JAZF1: variants seen among roughly 807,000 people sequenced by gnomAD.
JAZF1 encodes the protein juxtaposed with another zinc finger protein 1.
In JAZF1, 8 loss-of-function variants were observed where a neutral mutation model predicts 26.4. The observed-to-expected ratio is 0.30, with a 90% CI of 0.18 to 0.55. The LOEUF is 0.55. JAZF1 is among the 20% of genes least tolerant of loss of function. The pLI is 0.94. For synonymous variants in JAZF1, 126 were observed against 122.3 expected, an observed-to-expected ratio of 1.03 and a Z score of -0.20; for missense variants, 199 against 322.0, an observed-to-expected ratio of 0.62 and a Z score of 2.92.
At chr7:27,961,299 A>T (rs1296149730) in intron 2 of JAZF1, among the ~76,000 whole-genome samples, 2 of 152,234 alleles carry the variant, frequency 1.3e-5, no homozygotes, top group Non-Finnish European at 2.9e-5. Context: ...CTACCTCCAG[A>T]GTCTGTGTTC....
intron 1 of JAZF1, among the ~76,000 whole-genome samples, chr7:28,161,901 G>A (rs550528330): frequency 3.3e-5 from 5 of 152,154 alleles, no homozygotes; most frequent in Admixed American, 6.5e-5. Flanking sequence ...CAGTGTCTTC[G>A]CCTACAAAAT....
At chr7:27,913,630 C>T (rs1438197473) in intron 2 of JAZF1, among the ~76,000 whole-genome samples, 5 of 152,170 alleles carry the variant, frequency 3.3e-5, no homozygotes, top group Non-Finnish European at 7.3e-5. Flanking sequence ...TATTCCTTGA[C>T]TGATTAACAT....
chr7:27,882,946 C>G (rs190263762), intron 3 of JAZF1, among the ~76,000 whole-genome samples: 1 of 152,106 alleles, frequency 6.6e-6, no homozygotes, highest in Non-Finnish European at 1.5e-5. Context: ...ATGGCAGTCT[C>G]GGGCGTCTGT....
At chr7:27,834,480 T>A (rs1782768067) in intron 4 of JAZF1, among the ~76,000 whole-genome samples, 1 of 152,234 alleles carries the variant, frequency 6.6e-6, no homozygotes, top group Non-Finnish European at 1.5e-5. Context: ...CACTCTCCCC[T>A]GAACACCTGG....
At chr7:28,015,043 G>A (rs1012147053) in intron 1 of JAZF1, among the ~76,000 whole-genome samples, 2 of 151,464 alleles carry the variant, frequency 1.3e-5, no homozygotes, top group African/African-American at 2.4e-5. Flanking sequence ...ATGTGTGTGT[G>A]TGTGTGTGTG....
intron 2 of JAZF1, among the ~76,000 whole-genome samples, chr7:27,922,952 T>G (rs1784556178): frequency 6.6e-6 from 1 of 152,246 alleles, no homozygotes; most frequent in African/African-American, 2.4e-5. Flanking sequence ...AGATATTGCA[T>G]ATGTTAAAAT....
intron 1 of JAZF1, among the ~76,000 whole-genome samples, chr7:28,134,297 T>G (rs1267508181): frequency 2.6e-5 from 4 of 152,134 alleles, no homozygotes; most frequent in Non-Finnish European, 5.9e-5. Context: ...CATATATTTG[T>G]TTCTTTGATG....
At chr7:27,930,486 C>G (rs1414861638) in intron 2 of JAZF1, among the ~76,000 whole-genome samples, 2 of 152,194 alleles carry the variant, frequency 1.3e-5, no homozygotes, top group Non-Finnish European at 2.9e-5. Context: ...TTGTCCTTTT[C>G]TCCCAAGAAG....
intron 1 of JAZF1, among the ~76,000 whole-genome samples, chr7:28,027,837 G>C (rs1783119358): frequency 6.6e-6 from 1 of 152,172 alleles, no homozygotes; most frequent in African/African-American, 2.4e-5. Flanking sequence ...TGGAAGGCTG[G>C]GATTCAGCCC....
At chr7:27,952,351 G>C (rs573885804) in intron 2 of JAZF1, among the ~76,000 whole-genome samples, 4 of 152,360 alleles carry the variant, frequency 2.6e-5, no homozygotes, top group African/African-American at 9.6e-5. Context: ...ATGGGGAGTA[G>C]GGGACCGATC....
At chr7:28,048,305 T>C (rs1273645843) in intron 1 of JAZF1, among the ~76,000 whole-genome samples, 2 of 152,192 alleles carry the variant, frequency 1.3e-5, no homozygotes, top group African/African-American at 2.4e-5. Flanking sequence ...TTCAAAGAGA[T>C]TAGTTTTATT....
chr7:27,872,819 A>AT (rs143606378), intron 3 of JAZF1, among the ~76,000 whole-genome samples: 3,658 of 150,216 alleles, frequency 0.024, 121 homozygotes, highest in African/African-American at 0.084. Flanking sequence ...CTTGGGTTCG[A>AT]TTTTTTTTTT....
chr7:27,999,600 C>G (rs1786091374), intron 1 of JAZF1, among the ~76,000 whole-genome samples: 1 of 152,202 alleles, frequency 6.6e-6, no homozygotes, highest in African/African-American at 2.4e-5. Flanking sequence ...ATAGTACTTT[C>G]AGCATGCATT....
At chr7:27,862,082 A>G (rs1476378485) in intron 3 of JAZF1, among the ~76,000 whole-genome samples, 1 of 152,238 alleles carries the variant, frequency 6.6e-6, no homozygotes, top group East Asian at 1.9e-4. Context: ...AGAGGGGGAA[A>G]GGAAGGGACA....
At chr7:28,167,873 T>C (rs1285225902) in intron 1 of JAZF1, among the ~76,000 whole-genome samples, 1 of 152,248 alleles carries the variant, frequency 6.6e-6, no homozygotes, top group African/African-American at 2.4e-5. Flanking sequence ...AAAACCACTA[T>C]AAGCTACTAT....
Position 27,831,979 on chromosome 7 carries a change from GA to G in JAZF1, c.*820del. ...AAAGTCTTTTCTAACAGATTTCAGG[GA>G]AAAAAGTATTTCACTAAATGGGTAT... On this transcript the variant is annotated 3_prime_UTR_variant, in exon 5 of 5. Coordinates refer to ENST00000283928, the MANE Select transcript of JAZF1 (RefSeq NM_175061.4). 1.4e-5 allele frequency: 3 copies of G among 219,772 alleles called. No homozygotes were observed. Among genetic ancestry groups the G allele is most frequent in the Non-Finnish European group, 2.7e-5 (3 of 109,358 alleles). 13.6% of individuals were successfully genotyped at this position (219,772 alleles called of 1,614,324 possible). A position where few individuals can be genotyped will look rare whatever the true frequency, so the allele number is the denominator to read the frequency against.
chr7:27,979,563 T>C (rs1481202704), intron 2 of JAZF1, among the ~76,000 whole-genome samples: 3 of 151,892 alleles, frequency 2.0e-5, no homozygotes, highest in Non-Finnish European at 2.9e-5. Context: ...ATCATATCTT[T>C]AAGTTATGTC....
intron 1 of JAZF1, among the ~76,000 whole-genome samples, chr7:28,127,588 A>C (rs1782717933): frequency 6.6e-6 from 1 of 152,214 alleles, no homozygotes; most frequent in African/African-American, 2.4e-5. Context: ...ATTTCATGAA[A>C]AGCAGAGATA....
intron 1 of JAZF1, among the ~76,000 whole-genome samples, chr7:28,168,863 A>G (rs528536398): frequency 5.9e-5 from 9 of 152,374 alleles, no homozygotes; most frequent in African/African-American, 1.7e-4. Context: ...GTGTAACCCA[A>G]TGAGTTCCCA....
Sources: allele counts gnomAD v4.1 joint callset (sites outside exome capture counted in the v4.1 genomes callset), GRCh38; gene constraint gnomAD v4.1.1; transcripts MANE v1.5; gene names NCBI Gene and HGNC (gene_info 2026-07-23, HGNC 2026-07-21).